KRT73: variants seen among roughly 807,000 people sequenced by gnomAD.
KRT73 encodes the protein keratin 73.
A neutral mutation model predicts 47.2 loss-of-function variants in KRT73; 44 were observed. That is an observed-to-expected ratio of 0.93 (90% CI 0.73 to 1.20). KRT73 has a LOEUF of 1.20. Ranked by LOEUF, KRT73 falls within the 50% of genes most tolerant of loss-of-function variation. KRT73 has a pLI of 0.00. For synonymous variants in KRT73, 285 were observed against 291.3 expected, an observed-to-expected ratio of 0.98 and a Z score of 0.22; for missense variants, 713 against 704.5, an observed-to-expected ratio of 1.01 and a Z score of -0.14.
At chr12:52,609,376 C>A (rs1161078555) in intron 7 of KRT73, 95 bp from the exon 8 acceptor site, 3 of 1,032,562 alleles carry the variant, frequency 2.9e-6, no homozygotes, top group African/African-American at 3.2e-5. Context: ...CCAGCCAGAC[C>A]AGCTCAGCCT....
At chr12:52,610,591 T>A (rs768680144) in intron 7 of KRT73, 24 bp downstream of exon 7, 2 of 1,358,770 alleles carry the variant, frequency 1.5e-6, no homozygotes, top group South Asian at 2.3e-5. Context: ...TTGCAGTTTC[T>A]TCCAGTCCCT....
Position 52,616,241 on chromosome 12 carries a change from G to A in KRT73, c.587C>T (p.Thr196Met), listed in dbSNP as rs371740648. 112 of 1,614,170 alleles carry A rather than the reference G, an allele frequency of 6.9e-5. No individual in the cohort carries two copies. The Middle Eastern group carries it at 8.2e-4, about 12-fold the overall frequency. The change falls in exon 2 of 9, where the codon ACG becomes ATG. Residue 196 changes from threonine (T) to methionine (M), a missense_variant. Physicochemically the swap from Thr to Met is moderately conservative, Grantham distance 81. Transcript: ENST00000305748. ...YISNLRKQLE[T>M]LSGDRVRLDS... ...CAGCCTCACCCTGTCCCCAGACAGC[G>A]TCTCCAGCTGCTTCCGCAGGTTGCT...
At chr12:52,615,119 C>T (rs1053296858) in intron 3 of KRT73, 160 bp downstream of exon 3, 12 of 607,374 alleles carry the variant, frequency 2.0e-5, no homozygotes, top group African/African-American at 1.8e-4. Context: ...TAAACCAACA[C>T]CAGGTGTCCC....
chr12:52,627,122 C>G, the KRT73 span, among the ~76,000 whole-genome samples: 1 of 152,234 alleles, frequency 6.6e-6, no homozygotes, highest in Non-Finnish European at 1.5e-5. Context: ...CTTAAACACT[C>G]CCTTCCCCTT....
rs1216597593 is a variant in KRT73 at position 52,608,391 on chromosome 12, A to G, written c.1428T>C (p.Asn476=). ...AGTGAGFGFS[N]AGTYGYWPSS... ...TGGGCCAGTAGCCGTAGGTGCCAGCATTGCTGAATCCAAAGCCAGCCCCTG... is the reference window on the plus strand; with the variant it reads ...TGGGCCAGTAGCCGTAGGTGCCAGCGTTGCTGAATCCAAAGCCAGCCCCTG... The change falls in exon 9 of 9, where the codon AAT becomes AAC. Residue 476 remains asparagine (N), a synonymous_variant. Coordinates refer to ENST00000305748, the MANE Select transcript of KRT73 (RefSeq NM_175068.3). 7 of 1,612,902 alleles carry G rather than the reference A, an allele frequency of 4.3e-6. No homozygotes were observed. In the African/African-American group the frequency reaches 6.7e-5, roughly 15 times the overall value.
chr12:52,613,977 G>T, intron 4 of KRT73, 125 bp from the exon 5 acceptor site: 1 of 1,426,218 alleles, frequency 7.0e-7, no homozygotes, highest in Non-Finnish European at 9.5e-7. Context: ...ACTTCCCAAA[G>T]CTTGTAAGAA....
rs144618463 is a variant in KRT73, at chr12:52,610,837, T to C, written c.1111-2A>G. The C allele has an allele frequency of 6.4e-5, 103 of 1,609,868 alleles. No individual in the cohort carries two copies. The highest frequency in any genetic ancestry group is 8.6e-5 in the Non-Finnish European group (101 of 1,179,096). On this transcript the variant is annotated splice_acceptor_variant, in intron 6 of 8. Transcript: ENST00000305748. LOFTEE classifies it high-confidence loss of function. ...GATGGCCGTCTCCAGGTTGGCACACTGGGGTCAGGAGGTAGCATTTCTCCC... is the reference window on the plus strand; with the variant it reads ...GATGGCCGTCTCCAGGTTGGCACACCGGGGTCAGGAGGTAGCATTTCTCCC...
At position 52,609,241 on chromosome 12, in the gene KRT73, A is replaced by T; in HGVS notation, c.1366+6T>A. The T allele has an allele frequency of 2.5e-6, 4 of 1,612,932 alleles. No homozygotes were observed. The highest frequency in any genetic ancestry group is 3.4e-6 in the Non-Finnish European group (4 of 1,178,976). On this transcript the variant is annotated splice_donor_region_variant and intron_variant, in intron 8 of 8. Coordinates refer to ENST00000305748, the MANE Select transcript of KRT73 (RefSeq NM_175068.3). ...AAGTATTCCCTCAGAGTCATGAAATACTCACAAATGCTCACGGAGTTGGTA... is the reference window on the plus strand; with the variant it reads ...AAGTATTCCCTCAGAGTCATGAAATTCTCACAAATGCTCACGGAGTTGGTA...
chr12:52,610,928 T>A, intron 6 of KRT73, 93 bp from the exon 7 acceptor site: 5 of 1,150,480 alleles, frequency 4.3e-6, no homozygotes, highest in South Asian at 2.9e-5. Flanking sequence ...TCCTCTGTCC[T>A]GCCCCATGTC....
In KRT73 at chr12:52,607,988, G is replaced by C. The variant is rs772862319; in HGVS notation, c.*208C>G. ...CTGAGTTAAAAGGCCTCTTTGGATG[G>C]AGGCAGAAAGATGGGCTCCAGCTCT... is the stretch of plus-strand genomic sequence containing the variant. On this transcript the variant is annotated 3_prime_UTR_variant, in exon 9 of 9. Transcript: ENST00000305748. 1 of 588,590 alleles carries C rather than the reference G, an allele frequency of 1.7e-6. No homozygotes were observed. The highest frequency in any genetic ancestry group is 2.9e-6 in the Non-Finnish European group (1 of 339,898). The allele number at this position is 588,590 out of a possible 1,614,324, so 36.5% of individuals were successfully genotyped here.
At chr12:52,616,552 T>A (rs1024688895) in intron 1 of KRT73, among the ~76,000 whole-genome samples, 172 bp from the exon 2 acceptor site, 3 of 152,200 alleles carry the variant, frequency 2.0e-5, no homozygotes, top group Non-Finnish European at 4.4e-5. Flanking sequence ...GGGTCCTTTA[T>A]CTGACTGAAG....
chr12:52,611,422 G>A, intron 5 of KRT73, 93 bp from the exon 6 acceptor site: 1 of 1,516,712 alleles, frequency 6.6e-7, no homozygotes. Flanking sequence ...GCAGAGCCTG[G>A]CAGAGGTGGG....
intron 6 of KRT73, 21 bp downstream of exon 6, chr12:52,611,183 G>A: frequency 6.2e-7 from 1 of 1,613,900 alleles, no homozygotes; most frequent in Non-Finnish European, 8.5e-7. Flanking sequence ...AGTGAGTAAG[G>A]AAGGCTCCAG....
intron 2 of KRT73, among the ~76,000 whole-genome samples, chr12:52,615,752 A>C (rs1213697374): frequency 2.6e-5 from 4 of 152,216 alleles, no homozygotes. Flanking sequence ...GGGGAGAAAG[A>C]AGGCACATGG....
At chr12:52,628,692 C>T in the KRT73 span, among the ~76,000 whole-genome samples, 22 of 152,246 alleles carry the variant, frequency 1.4e-4, no homozygotes, top group South Asian at 6.2e-4. Context: ...AAGAGCACTA[C>T]GAGCCTGCAG....
At chr12:52,617,872 C>T (rs557416902) in intron 1 of KRT73, among the ~76,000 whole-genome samples, 4 of 152,266 alleles carry the variant, frequency 2.6e-5, no homozygotes, top group East Asian at 3.9e-4. Context: ...ACAATGAAGG[C>T]GGGGGAAGGA....
intron 5 of KRT73, chr12:52,613,393 C>T (rs1403493060): frequency 1.1e-5 from 3 of 281,554 alleles, no homozygotes; most frequent in African/African-American, 4.3e-5. Context: ...AACTCTCTGC[C>T]TCCAGGGAGT....
the KRT73 span, among the ~76,000 whole-genome samples, chr12:52,623,670 A>G: frequency 6.6e-6 from 1 of 152,146 alleles, no homozygotes; most frequent in Admixed American, 6.5e-5. Flanking sequence ...ATGTATTTAG[A>G]TGAAATATTT....
Position 52,618,497 on chromosome 12 carries a change from C to T in KRT73, c.28G>A (p.Gly10Arg). ...CTGAAGCCCCCCTTGGCAGCAGCTC[C>T]CGACTTGTAGGTGAATTGGCGGCTC... Reference protein sequence around the residue: MSRQFTYKSGAAAKGGFSGC... With the variant: MSRQFTYKSRAAAKGGFSGC... The change falls in exon 1 of 9, where the codon GGA becomes AGA. Residue 10 changes from glycine (G) to arginine (R), a missense_variant. Physicochemically the swap from Gly to Arg is moderately radical, Grantham distance 125. Coordinates refer to ENST00000305748, the MANE Select transcript of KRT73 (RefSeq NM_175068.3). The T allele has an allele frequency of 1.9e-6, 3 of 1,607,866 alleles. No homozygotes were observed. Among genetic ancestry groups the T allele is most frequent in the Non-Finnish European group, 2.5e-6 (3 of 1,176,636 alleles).
Sources: allele counts gnomAD v4.1 joint callset (sites outside exome capture counted in the v4.1 genomes callset), GRCh38; gene constraint gnomAD v4.1.1; transcripts MANE v1.5; gene names NCBI Gene and HGNC (gene_info 2026-07-23, HGNC 2026-07-21).